PEX16: variants seen among roughly 807,000 people sequenced by gnomAD.
PEX16 encodes peroxin 16.
In PEX16, 37 loss-of-function variants were observed where a neutral mutation model predicts 50.5. That is an observed-to-expected ratio of 0.73 (90% confidence interval 0.56 to 0.96). The LOEUF (loss-of-function observed/expected upper bound fraction) is 0.96, where lower values mean the gene tolerates loss of function less well. PEX16 is among the 40% of genes least tolerant of loss of function. The pLI is 0.00. For synonymous variants in PEX16, 185 were observed against 190.3 expected (o/e 0.97, Z 0.23); for missense variants, 401 against 438.3 (o/e 0.91, Z 0.76).
rs1271990137 is a variant in PEX16 at position 45,909,751 on chromosome 11, C to G, written c.*503G>C. ...CGTGGGAGCCAGGCTCACTGTTCAC[C>G]AGGCTCTGTCACAGGGAGGCTGGCA... On this transcript the variant is annotated 3_prime_UTR_variant, in exon 11 of 11. Coordinates refer to ENST00000378750, the MANE Select transcript of PEX16 (RefSeq NM_004813.4). The G allele has an allele frequency of 1.7e-5, 7 of 409,378 alleles. No homozygotes were observed. Among genetic ancestry groups the G allele is most frequent in the Non-Finnish European group, 3.2e-5 (7 of 220,270 alleles). The allele number at this position is 409,378 out of a possible 1,614,324, so 25.4% of individuals were successfully genotyped here. A position where few individuals can be genotyped will look rare whatever the true frequency, so the allele number is the denominator to read the frequency against.
At chr11:45,912,366 A>C (rs965534455) in intron 9 of PEX16, among the ~76,000 whole-genome samples, 6 of 151,446 alleles carry the variant, frequency 4.0e-5, no homozygotes, top group African/African-American at 7.3e-5. Flanking sequence ...CAGGCATGGT[A>C]ATGGGCGCCT....
chr11:45,912,999 T>TTA (rs1491331677), intron 9 of PEX16, among the ~76,000 whole-genome samples: 2 of 10,374 alleles, frequency 1.9e-4, no homozygotes, highest in East Asian at 1.2e-3. Context: ...ATTATTATTA[T>TTA]TTTTTTTTTT....
At chr11:45,915,963 G>T in intron 3 of PEX16, 127 bp from the exon 4 acceptor site, 1 of 982,976 alleles carries the variant, frequency 1.0e-6, no homozygotes, top group Non-Finnish European at 1.6e-6. Context: ...AACTGTGCAG[G>T]TGTGAGTTCA....
rs1340415347 is a variant in PEX16, at chr11:45,916,336, C to T, written c.149-33G>A. 5.3e-6 allele frequency: 8 copies of T among 1,498,218 alleles called. 1 individual carries two copies. The highest frequency in any genetic ancestry group is 7.4e-6 in the Non-Finnish European group (8 of 1,075,524). 92.8% of individuals were successfully genotyped at this position (1,498,218 alleles called of 1,614,324 possible). On this transcript the variant is annotated intron_variant, in intron 2 of 10. Transcript: ENST00000378750. ...GTAGAGAGTGGCCTTGAGAGGCTGG[C>T]TCTGCAGCCTCCATCCCTCTCACCT...
chr11:45,916,044 G>A (rs1013360789), intron 3 of PEX16, among the ~76,000 whole-genome samples, 183 bp downstream of exon 3: 2 of 152,034 alleles, frequency 1.3e-5, no homozygotes, highest in Non-Finnish European at 2.9e-5. Context: ...ACCTGAGACA[G>A]TCTCTTCATC....
At chr11:45,918,396 C>T, upstream of PEX16, 1 of 179,772 alleles carries the variant, frequency 5.6e-6, no homozygotes, top group Non-Finnish European at 1.2e-5. Flanking sequence ...ATCTCCGTTT[C>T]CTCAACAAAG....
rs1182384306 is a variant in PEX16 at position 45,913,902 on chromosome 11, C to G, written c.804G>C (p.Arg268=). 5.0e-6 allele frequency: 8 copies of G among 1,613,308 alleles called. No individual in the cohort carries two copies. Among genetic ancestry groups the G allele is most frequent in the Non-Finnish European group, 6.8e-6 (8 of 1,179,970 alleles). The change falls in exon 9 of 11, where the codon CGG becomes CGC. Residue 268 remains arginine, a synonymous_variant. Coordinates refer to ENST00000378750, the MANE Select transcript of PEX16 (RefSeq NM_004813.4). ...SLLSDRKGLT[R]RERRELRRRT... Reference sequence around the variant, plus strand: ...GGCGCCGCAGCTCCCGCCGCTCCCTCCGGGTCAGGCCCTTTCTGTCACTCA... The same window carrying G: ...GGCGCCGCAGCTCCCGCCGCTCCCTGCGGGTCAGGCCCTTTCTGTCACTCA...
chr11:45,916,058 G>A (rs1375111311), intron 3 of PEX16, among the ~76,000 whole-genome samples, 169 bp downstream of exon 3: 1 of 152,066 alleles, frequency 6.6e-6, no homozygotes, highest in African/African-American at 2.4e-5. Context: ...CTTCATCTAA[G>A]ATGGGAATAC....
At chr11:45,917,141 C>T (rs1455889811) in intron 2 of PEX16, 7 of 650,520 alleles carry the variant, frequency 1.1e-5, no homozygotes, top group South Asian at 1.1e-4. Context: ...TGAGCTTCTT[C>T]CTTAAATGGA....
chr11:45,913,704 C>T, intron 9 of PEX16, 115 bp downstream of exon 9: 1 of 1,242,418 alleles, frequency 8.0e-7, no homozygotes, highest in Non-Finnish European at 1.2e-6. Context: ...GGACAACACA[C>T]AGTGCTTGGT....
chr11:45,913,994 G>C (rs1398659289), intron 8 of PEX16, 56 bp from the exon 9 acceptor site: 2 of 1,607,688 alleles, frequency 1.2e-6, no homozygotes, highest in Non-Finnish European at 1.7e-6. Context: ...GCCCACGGAA[G>C]GGGAGGAGCC....
At position 45,913,874 on chromosome 11, in the gene PEX16, T is replaced by C. The variant is rs765797303; in HGVS notation, c.832A>G (p.Thr278Ala). 59 of 1,612,656 alleles carry C rather than the reference T, an allele frequency of 3.7e-5. No homozygotes were observed. In the Admixed American group the frequency reaches 8.5e-4, roughly 23 times the overall value. The change falls in exon 9 of 11, where the codon ACC becomes GCC. Residue 278 changes from threonine (T) to alanine (A), a missense_variant. Thr to Ala is a moderately conservative substitution (Grantham distance 58). Coordinates refer to ENST00000378750, the MANE Select transcript of PEX16 (RefSeq NM_004813.4). Reference sequence around the variant, plus strand: ...AGCAGGTAGTAGAGCAGCAGGATGGTCCGGCGCCGCAGCTCCCGCCGCTCC... The same window carrying C: ...AGCAGGTAGTAGAGCAGCAGGATGGCCCGGCGCCGCAGCTCCCGCCGCTCC... Reference protein sequence around the residue: ...RRERRELRRRTILLLYYLLRS... With the variant: ...RRERRELRRRAILLLYYLLRS...
Position 45,910,088 on chromosome 11 carries a change from G to C in PEX16, c.*166C>G. The stretch of plus-strand genomic sequence containing the variant: ...AGTGGCATCGTCACAGGAGAGCGCA[G>C]TCAAGGGTGTCCTGGGAGGAACGCT... On this transcript the variant is annotated 3_prime_UTR_variant, in exon 11 of 11. Transcript: ENST00000378750. 1 of 1,610,768 alleles carries C rather than the reference G, an allele frequency of 6.2e-7. No individual in the cohort carries two copies. Among genetic ancestry groups the C allele is most frequent in the Non-Finnish European group, 8.5e-7 (1 of 1,179,420 alleles).
At chr11:45,917,199 CAAGTA>C (rs1209194828) in intron 2 of PEX16, 3 of 696,496 alleles carry the variant, frequency 4.3e-6, no homozygotes, top group Middle Eastern at 2.5e-4. Flanking sequence ...GGAGGATTAA[CAAGTA>C]AAGGTAAGAA....
intron 9 of PEX16, among the ~76,000 whole-genome samples, chr11:45,911,417 T>A (rs1370705859): frequency 6.6e-6 from 1 of 152,220 alleles, no homozygotes; most frequent in East Asian, 1.9e-4. Flanking sequence ...GGGGACACAG[T>A]ACTGAAGAGG....
Position 45,913,808 on chromosome 11 carries a change from T to C in PEX16, c.887+11A>G. 6.2e-7 allele frequency: 1 copy of C among 1,613,958 alleles called. No homozygotes were observed. Among genetic ancestry groups the C allele is most frequent in the East Asian group, 2.2e-5 (1 of 44,880 alleles). On this transcript the variant is annotated intron_variant, in intron 9 of 10. Coordinates refer to ENST00000378750, the MANE Select transcript of PEX16 (RefSeq NM_004813.4). ...GCCCTCTCCCTGGCTCAGGGTGTCC[T>C]GGGTGCTTACTCGGAGAAGCGGTCA...
Position 45,916,222 on chromosome 11 carries a change from C to G in PEX16, c.225+5G>C, listed in dbSNP as rs2086833240. On this transcript the variant is annotated splice_donor_5th_base_variant and intron_variant, in intron 3 of 10. Coordinates refer to ENST00000378750, the MANE Select transcript of PEX16 (RefSeq NM_004813.4). ...TTCCCACCCTGTTCTTGGCAGAATT[C>G]TCACCACAGGCAACTTTTTCCGAAG... 8 of 1,612,264 alleles carry G rather than the reference C, an allele frequency of 5.0e-6. No individual in the cohort carries two copies. The highest frequency in any genetic ancestry group is 6.8e-6 in the Non-Finnish European group (8 of 1,178,484).
rs1482183914 is a variant in PEX16, at chr11:45,917,474, G to A, written c.132C>T (p.His44=). 1 of 1,613,848 alleles carries A rather than the reference G, an allele frequency of 6.2e-7. No homozygotes were observed. The highest frequency in any genetic ancestry group is 8.5e-7 in the Non-Finnish European group (1 of 1,179,962). ...YLLAGRFADS[H]ELSELVYSAS... is the part of the protein sequence containing the mutation. ...CCGGCTCACCCAGCTCTGACAGCTC[G>A]TGCGAATCGGCGAATCGACCTGGGG... is the stretch of plus-strand genomic sequence containing the variant. Residue 44 remains histidine (H), a synonymous_variant, in exon 2 of 11, where the codon CAC becomes CAT. Coordinates refer to ENST00000378750, the MANE Select transcript of PEX16 (RefSeq NM_004813.4).
At chr11:45,916,464 C>T (rs1436521609) in intron 2 of PEX16, among the ~76,000 whole-genome samples, 161 bp from the exon 3 acceptor site, 1 of 152,164 alleles carries the variant, frequency 6.6e-6, no homozygotes, top group Non-Finnish European at 1.5e-5. Context: ...CAGCACTCCC[C>T]TCTCCCCAAC....
Sources: gnomAD v4.1 joint callset for allele counts (sites outside exome capture counted in the v4.1 genomes callset) on GRCh38, gnomAD v4.1.1 for gene constraint, MANE v1.5 for transcripts, NCBI Gene and HGNC (gene_info 2026-07-23, HGNC 2026-07-21) for gene names.